The following MDFIC2 variants were observed in gnomAD, a reference collection of about 807,000 sequenced individuals.
MDFIC2 encodes the protein myoD family inhibitor domain-containing protein 2.
intron 2 of MDFIC2, among the ~76,000 whole-genome samples, chr3:70,245,755 T>G (rs544915332): frequency 9.2e-5 from 13 of 141,294 alleles, no homozygotes; most frequent in Non-Finnish European, 1.4e-4. Context: ...AGTTATGTAA[T>G]TGCTATTCTT....
chr3:70,221,412 C>CT (rs1701459299), intron 2 of MDFIC2, among the ~76,000 whole-genome samples: 1 of 151,978 alleles, frequency 6.6e-6, no homozygotes, highest in Non-Finnish European at 1.5e-5. Context: ...TTATTCATTG[C>CT]TTTTTTACTA....
intron 2 of MDFIC2, among the ~76,000 whole-genome samples, chr3:70,288,119 C>G (rs1017232789): frequency 4.8e-5 from 7 of 145,570 alleles, no homozygotes; most frequent in Non-Finnish European, 9.1e-5. Flanking sequence ...TGTGTTTGCT[C>G]TTGCTTTTCT....
intron 3 of MDFIC2, among the ~76,000 whole-genome samples, chr3:70,199,528 C>A (rs1701215180): frequency 6.6e-6 from 1 of 152,012 alleles, no homozygotes; most frequent in African/African-American, 2.4e-5. Context: ...GTCTCTTGCC[C>A]AAAAACAACA....
intron 2 of MDFIC2, among the ~76,000 whole-genome samples, chr3:70,299,756 T>C (rs1702328803): frequency 6.6e-6 from 1 of 152,132 alleles, no homozygotes. Flanking sequence ...ACAAATCTTT[T>C]CTAAAGCACA....
intron 2 of MDFIC2, among the ~76,000 whole-genome samples, chr3:70,249,915 A>C (rs1003236611): frequency 6.6e-6 from 1 of 152,160 alleles, no homozygotes; most frequent in Admixed American, 6.5e-5. Context: ...ATTTTCTGGC[A>C]AAAAAGGAAC....
intron 2 of MDFIC2, among the ~76,000 whole-genome samples, chr3:70,259,752 C>T (rs971122738): frequency 4.6e-5 from 7 of 152,178 alleles, no homozygotes. Flanking sequence ...TTGTATTAGT[C>T]TGTTTTCATA....
intron 2 of MDFIC2, among the ~76,000 whole-genome samples, chr3:70,256,518 C>T (rs145342263): frequency 6.6e-6 from 1 of 152,122 alleles, no homozygotes; most frequent in Non-Finnish European, 1.5e-5. Flanking sequence ...TTCTTAAGTG[C>T]CATGTATTGA....
intron 2 of MDFIC2, among the ~76,000 whole-genome samples, chr3:70,292,986 A>G (rs934153776): frequency 6.7e-6 from 1 of 150,136 alleles, no homozygotes; most frequent in Non-Finnish European, 1.5e-5. Flanking sequence ...TCTTTTCCAA[A>G]GAAATAAAGG....
At chr3:70,233,633 C>G (rs1023916781) in intron 2 of MDFIC2, among the ~76,000 whole-genome samples, 1 of 152,170 alleles carries the variant, frequency 6.6e-6, no homozygotes, top group Admixed American at 6.5e-5. Flanking sequence ...TTCCCTATGT[C>G]CTTTTGTAAT....
intron 2 of MDFIC2, chr3:70,292,047 T>C (rs1056012319): frequency 3.9e-5 from 6 of 152,180 alleles, no homozygotes; most frequent in Admixed American, 1.3e-4. Context: ...TTCAAGAAGG[T>C]AAACATGATT....
At chr3:70,215,671 G>A (rs1011868912) in intron 2 of MDFIC2, among the ~76,000 whole-genome samples, 3 of 152,062 alleles carry the variant, frequency 2.0e-5, no homozygotes, top group African/African-American at 7.2e-5. Flanking sequence ...AATTTTGGAT[G>A]TATTTCTCCT....
At chr3:70,296,849 A>T (rs182352380) in intron 2 of MDFIC2, among the ~76,000 whole-genome samples, 17 of 152,178 alleles carry the variant, frequency 1.1e-4, no homozygotes, top group African/African-American at 3.9e-4. Flanking sequence ...GGCATATGTA[A>T]TAATGGCCTC....
In MDFIC2 at chr3:70,194,704, A is replaced by C. The variant is rs1701159121; in HGVS notation, c.*2222T>G. Among the ~76,000 whole-genome samples the C allele has an allele frequency of 6.6e-6, 1 of 152,206 alleles. No homozygotes were observed. Among genetic ancestry groups the C allele is most frequent in the African/African-American group, 2.4e-5 (1 of 41,448 alleles). On this transcript the variant is annotated 3_prime_UTR_variant, in exon 4 of 4. Coordinates refer to ENST00000567252, the MANE Select transcript of MDFIC2 (RefSeq NM_001364677.1). ...TCTAATTGACAAGCATTCAATTCACATTTGAAATGCACAATCTTTGCATAA... is the reference window on the plus strand; with the variant it reads ...TCTAATTGACAAGCATTCAATTCACCTTTGAAATGCACAATCTTTGCATAA...
intron 2 of MDFIC2, among the ~76,000 whole-genome samples, chr3:70,213,046 G>A (rs183442517): frequency 2.0e-5 from 3 of 151,952 alleles, no homozygotes; most frequent in East Asian, 1.9e-4. Flanking sequence ...TGGGCTCAAG[G>A]GATTCACCTG....
chr3:70,301,786 A>G (rs1042226663), intron 2 of MDFIC2, among the ~76,000 whole-genome samples: 1 of 152,080 alleles, frequency 6.6e-6, no homozygotes, highest in Admixed American at 6.6e-5. Context: ...TATATTCAAG[A>G]TATTGAACAT....
chr3:70,299,983 C>G (rs1399573620), intron 2 of MDFIC2, among the ~76,000 whole-genome samples: 4 of 152,146 alleles, frequency 2.6e-5, no homozygotes, highest in Non-Finnish European at 2.9e-5. Flanking sequence ...ATACCCCAGA[C>G]TTTTCTGCCT....
chr3:70,207,180 A>T (rs1701299334), intron 2 of MDFIC2, among the ~76,000 whole-genome samples: 1 of 152,014 alleles, frequency 6.6e-6, no homozygotes, highest in Non-Finnish European at 1.5e-5. Context: ...GGTGGGCAAT[A>T]CTGCTGAGTT....
intron 2 of MDFIC2, among the ~76,000 whole-genome samples, chr3:70,273,451 A>G (rs371041358): frequency 1.8e-4 from 28 of 152,320 alleles, no homozygotes; most frequent in East Asian, 1.4e-3. Context: ...TTTTGGGATC[A>G]TTGCCATCAC....
Position 70,197,115 on chromosome 3 carries a change from G to T in MDFIC2, c.381C>A (p.Gly127=), listed in dbSNP as rs1046207804. Residue 127 remains glycine (G), a synonymous_variant, in exon 4 of 4, where the codon GGC becomes GGA. Coordinates refer to ENST00000567252, the MANE Select transcript of MDFIC2 (RefSeq NM_001364677.1). ...QFWDCLLMLP[G]TCETVCTKMC... The stretch of plus-strand genomic sequence containing the variant: ...TTTTGGTACACACCGTTTCGCAGGT[G>T]CCGGGGAGCATCAGGAGACAGTCCC... 1.8e-5 allele frequency: 7 copies of T among 398,466 alleles called. No homozygotes were observed. The highest frequency in any genetic ancestry group is 2.7e-5 in the Non-Finnish European group (6 of 226,074). 24.7% of individuals were successfully genotyped at this position (398,466 alleles called of 1,614,324 possible). A position where few individuals can be genotyped will look rare whatever the true frequency, so the allele number is the denominator to read the frequency against.
Sources: gnomAD v4.1 joint callset for allele counts (sites outside exome capture counted in the v4.1 genomes callset) on GRCh38, gnomAD v4.1.1 for gene constraint, MANE v1.5 for transcripts, NCBI Gene and HGNC (gene_info 2026-07-23, HGNC 2026-07-21) for gene names.